Variants in BCAS4 observed in about 807,000 individuals in gnomAD.
The protein encoded by BCAS4 is breast carcinoma amplified sequence 4.
Under a neutral mutation model 15.7 loss-of-function variants are expected in BCAS4, and 9 were observed. The observed-to-expected ratio is 0.57, with a 90% CI of 0.34 to 1.00. BCAS4 has a LOEUF of 1.00. Ranked by LOEUF, BCAS4 falls within the 50% of genes least tolerant of loss-of-function variation. The pLI is 0.02. For synonymous variants in BCAS4, 101 were observed against 99.5 expected (o/e 1.02, Z -0.09); for missense variants, 225 against 239.1 (o/e 0.94, Z 0.39).
intron 1 of BCAS4, among the ~76,000 whole-genome samples, chr20:50,816,821 T>TTTTTTC (rs2088144419): frequency 1.8e-5 from 2 of 110,304 alleles, no homozygotes; most frequent in African/African-American, 8.6e-5. Context: ...TTTTTTTTTT[T>TTTTTTC]TGAGACGGAA....
chr20:50,838,996 G>A (rs372117976), intron 3 of BCAS4, among the ~76,000 whole-genome samples: 12 of 152,316 alleles, frequency 7.9e-5, no homozygotes, highest in African/African-American at 2.2e-4. Context: ...AGGGAAGCAC[G>A]TGGAGGGAGG....
At chr20:50,817,067 C>T (rs1404415079) in intron 1 of BCAS4, among the ~76,000 whole-genome samples, 1 of 151,502 alleles carries the variant, frequency 6.6e-6, no homozygotes, top group Non-Finnish European at 1.5e-5. Flanking sequence ...TCCCAAAGTG[C>T]TGGGATTACA....
chr20:50,866,452 C>T (rs1210027614), intron 4 of BCAS4, among the ~76,000 whole-genome samples: 1 of 152,190 alleles, frequency 6.6e-6, no homozygotes, highest in Non-Finnish European at 1.5e-5. Flanking sequence ...GCTCACTGCA[C>T]CCTGCAGGAA....
intron 4 of BCAS4, among the ~76,000 whole-genome samples, chr20:50,875,776 C>T (rs1417942412): frequency 1.4e-5 from 2 of 147,524 alleles, no homozygotes; most frequent in African/African-American, 5.3e-5. Context: ...AGCGAGACTC[C>T]GTCTCAAAAG....
At chr20:50,859,696 G>T (rs6020799) in intron 4 of BCAS4, among the ~76,000 whole-genome samples, 1 of 152,088 alleles carries the variant, frequency 6.6e-6, no homozygotes, top group Admixed American at 6.6e-5. Context: ...GCTTAGAGCC[G>T]CTGGAATGGT....
At chr20:50,849,244 A>AC (rs1283345612) in intron 4 of BCAS4, among the ~76,000 whole-genome samples, 1 of 152,256 alleles carries the variant, frequency 6.6e-6, no homozygotes, top group Non-Finnish European at 1.5e-5. Context: ...GGAGAAGAAC[A>AC]CGGTGCTTCC....
chr20:50,839,343 T>C (rs1285628839), intron 3 of BCAS4, among the ~76,000 whole-genome samples: 1 of 152,246 alleles, frequency 6.6e-6, no homozygotes, highest in Non-Finnish European at 1.5e-5. Context: ...GAGTTACATT[T>C]TACTGGGCCT....
intron 1 of BCAS4, among the ~76,000 whole-genome samples, chr20:50,805,669 ATCTC>A (rs1316979367): frequency 1.1e-4 from 16 of 151,992 alleles, no homozygotes; most frequent in Non-Finnish European, 1.6e-4. Flanking sequence ...TAGAAGTAAA[ATCTC>A]TCTGTCAAAA....
intron 4 of BCAS4, among the ~76,000 whole-genome samples, chr20:50,869,276 A>G (rs1245938963): frequency 2.0e-5 from 3 of 152,152 alleles, no homozygotes; most frequent in Non-Finnish European, 2.9e-5. Flanking sequence ...GTGGGCCTCT[A>G]GCAGCAGGCA....
chr20:50,881,664 ATT>A (rs60341836), downstream of BCAS4: 4 of 145,096 alleles, frequency 2.8e-5, no homozygotes, highest in Admixed American at 6.9e-5. Flanking sequence ...ACACTATTGA[ATT>A]TTTTTTTTTT....
At chr20:50,828,823 G>C (rs1009807944) in intron 2 of BCAS4, among the ~76,000 whole-genome samples, 5 of 152,146 alleles carry the variant, frequency 3.3e-5, no homozygotes, top group Non-Finnish European at 5.9e-5. Context: ...CCAAAATCTT[G>C]GGGAGGGGAT....
At chr20:50,872,609 T>A (rs1392971126) in intron 4 of BCAS4, among the ~76,000 whole-genome samples, 2 of 148,668 alleles carry the variant, frequency 1.3e-5, no homozygotes, top group Non-Finnish European at 1.5e-5. Context: ...AAAATCAAGA[T>A]GCTAGCACCC....
intron 3 of BCAS4, among the ~76,000 whole-genome samples, chr20:50,830,755 T>C (rs962251738): frequency 2.0e-5 from 3 of 151,746 alleles, no homozygotes; most frequent in Non-Finnish European, 4.4e-5. Flanking sequence ...GAGGCTGAGG[T>C]AGGAGGATGG....
chr20:50,837,142 G>A (rs558857730), intron 3 of BCAS4, among the ~76,000 whole-genome samples: 61 of 152,276 alleles, frequency 4.0e-4, no homozygotes, highest in Non-Finnish European at 7.6e-4. Flanking sequence ...AGAAAAAGCC[G>A]CCGAGGCACA....
intron 4 of BCAS4, among the ~76,000 whole-genome samples, chr20:50,852,298 G>A (rs182672826): frequency 2.0e-4 from 31 of 152,336 alleles, no homozygotes; most frequent in Admixed American, 1.5e-3. Context: ...ACTGGCAGGG[G>A]AGGCGGGGCC....
At chr20:50,863,634 T>C (rs1979208025) in intron 4 of BCAS4, among the ~76,000 whole-genome samples, 1 of 152,192 alleles carries the variant, frequency 6.6e-6, no homozygotes, top group Non-Finnish European at 1.5e-5. Flanking sequence ...TCAAGGATTC[T>C]ATTGATAATT....
rs902667267 is a variant in BCAS4 at position 50,802,988 on chromosome 20, C to T, written c.90+7815C>T. 3.9e-5 allele frequency among the ~76,000 whole-genome samples: 6 copies of T among 152,222 alleles called. No individual in the cohort carries two copies. In the South Asian group the frequency reaches 1.2e-3, roughly 31 times the overall value. On this transcript the variant is annotated intron_variant, in intron 1 of 4. Coordinates refer to ENST00000371608, the MANE Select transcript of BCAS4 (RefSeq NM_198799.4). The stretch of plus-strand genomic sequence containing the variant: ...TTGAGGCCAGGAGTTTGAAACCAGC[C>T]TGGCCAACATGGCAAAACCCAGTCT...
In BCAS4 at chr20:50,846,368, T is replaced by A. The variant is rs549495290; in HGVS notation, c.399+4468T>A. ...CTCAGAGACAGCCAGGCACAGTGGC[T>A]TCCACCCATAATCCCAGCACTTTGG... On this transcript the variant is annotated intron_variant, in intron 4 of 4. Coordinates refer to ENST00000371608, the MANE Select transcript of BCAS4 (RefSeq NM_198799.4). 7.9e-5 allele frequency among the ~76,000 whole-genome samples: 12 copies of A among 152,246 alleles called. No individual in the cohort carries two copies. The East Asian group carries it at 1.9e-3, about 24-fold the overall frequency.
At chr20:50,854,841 A>G (rs1218074504) in intron 4 of BCAS4, among the ~76,000 whole-genome samples, 1 of 152,226 alleles carries the variant, frequency 6.6e-6, no homozygotes, top group Non-Finnish European at 1.5e-5. Context: ...TGCTTTTTAC[A>G]GAATAACCTG....
Sources: allele counts gnomAD v4.1 joint callset (sites outside exome capture counted in the v4.1 genomes callset), GRCh38; gene constraint gnomAD v4.1.1; transcripts MANE v1.5; gene names NCBI Gene and HGNC (gene_info 2026-07-23, HGNC 2026-07-21).